BTRC: variants seen among roughly 807,000 people sequenced by gnomAD.
BTRC encodes the protein beta-transducin repeat containing E3 ubiquitin protein ligase, also known as F-box/WD repeat-containing protein 1A.
Under a neutral mutation model 85.5 loss-of-function variants are expected in BTRC, and 42 were observed. That is an observed-to-expected ratio of 0.49 (90% CI 0.38 to 0.64). BTRC has a LOEUF of 0.64. BTRC is among the 30% of genes least tolerant of loss of function. BTRC has a pLI of 0.00. For synonymous variants in BTRC, 255 were observed against 263.3 expected (o/e 0.97, Z 0.30); for missense variants, 594 against 743.5 (o/e 0.80, Z 2.34).
chr10:101,392,710 G>T (rs1380558137), intron 1 of BTRC, among the ~76,000 whole-genome samples: 2 of 152,068 alleles, frequency 1.3e-5, no homozygotes, highest in Non-Finnish European at 2.9e-5. Flanking sequence ...CCATAGTAGA[G>T]ACAGGGTTTC....
At chr10:101,447,551 T>TA (rs1347325086) in intron 2 of BTRC, among the ~76,000 whole-genome samples, 1 of 152,220 alleles carries the variant, frequency 6.6e-6, no homozygotes, top group Non-Finnish European at 1.5e-5. Flanking sequence ...ACTACTATGA[T>TA]ATTAAAATTA....
In BTRC at chr10:101,553,271, T is replaced by C. The variant is rs2062679647; in HGVS notation, c.*148T>C. ...TAGCCGAGGAGCAGGGCTTTGAGAC[T>C]CCTGTTGGGACACAGTTGGTCTGCA... On this transcript the variant is annotated 3_prime_UTR_variant, in exon 15 of 15. Transcript: ENST00000370187. 6.6e-6 allele frequency: 1 copy of C among 152,642 alleles called. No homozygotes were observed. 9.5% of individuals were successfully genotyped at this position (152,642 alleles called of 1,614,324 possible).
At chr10:101,523,475 GA>G (rs1263736131) in intron 5 of BTRC, among the ~76,000 whole-genome samples, 1 of 151,932 alleles carries the variant, frequency 6.6e-6, no homozygotes, top group African/African-American at 2.4e-5. Context: ...TATTTTAAGA[GA>G]AAAAAATCAT....
At chr10:101,366,919 T>TTATATATAA (rs1942434809) in intron 1 of BTRC, among the ~76,000 whole-genome samples, 2 of 4,880 alleles carry the variant, frequency 4.1e-4, no homozygotes, top group Non-Finnish European at 1.2e-3. Flanking sequence ...AATATATATT[T>TTATATATAA]ATATATATTT....
Position 101,430,403 on chromosome 10 carries a change from C to T in BTRC, c.107C>T (p.Ser36Leu), listed in dbSNP as rs1219485749. 6 of 1,614,094 alleles carry T rather than the reference C, an allele frequency of 3.7e-6. No individual in the cohort carries two copies. Among genetic ancestry groups the T allele is most frequent in the African/African-American group, 2.7e-5 (2 of 75,040 alleles). The change falls in exon 2 of 15, where the codon TCG (serine) becomes TTG (leucine). Residue 36 changes from serine to leucine, a missense_variant. Coordinates refer to ENST00000370187, the MANE Select transcript of BTRC (RefSeq NM_033637.4). ...GCSSLADSMPSLRCLYNPGTG... is the reference protein window; with the variant it reads ...GCSSLADSMPLLRCLYNPGTG... Reference sequence around the variant, plus strand: ...TCCAGCCTGGCGGACAGCATGCCTTCGCTGCGATGCCTGTATAACCCAGGG... The same window carrying T: ...TCCAGCCTGGCGGACAGCATGCCTTTGCTGCGATGCCTGTATAACCCAGGG...
Position 101,526,064 on chromosome 10 carries a change from A to G in BTRC, c.608A>G (p.Lys203Arg), listed in dbSNP as rs1227807092. Residue 203 changes from lysine (K) to arginine (R), a missense_variant, in exon 6 of 15, where the codon AAA becomes AGA. This residue lies in a region of BTRC where 373 missense variants were observed against 503.6 expected (regional missense o/e 0.74). Coordinates refer to ENST00000370187, the MANE Select transcript of BTRC (RefSeq NM_033637.4). ...AENILSYLDA[K>R]SLCAAELVCK... ...AACATTCTGTCATACCTGGATGCCAAATCACTATGTGCTGCTGAACTTGTG... is the reference window on the plus strand; with the variant it reads ...AACATTCTGTCATACCTGGATGCCAGATCACTATGTGCTGCTGAACTTGTG... 2.5e-6 allele frequency: 4 copies of G among 1,614,170 alleles called. No homozygotes were observed. The highest frequency in any genetic ancestry group is 2.2e-5 in the East Asian group (1 of 44,882).
At chr10:101,424,799 C>A (rs1382569354) in intron 1 of BTRC, among the ~76,000 whole-genome samples, 1 of 152,094 alleles carries the variant, frequency 6.6e-6, no homozygotes, top group East Asian at 1.9e-4. Flanking sequence ...TCATTGCAAT[C>A]TTGTTTTTTC....
At chr10:101,467,911 A>T (rs912439440) in intron 3 of BTRC, among the ~76,000 whole-genome samples, 7 of 152,212 alleles carry the variant, frequency 4.6e-5, no homozygotes, top group Non-Finnish European at 8.8e-5. Context: ...CATGTAAAAG[A>T]TCTTAAAGGT....
At chr10:101,522,272 C>T (rs1374928080) in intron 5 of BTRC, among the ~76,000 whole-genome samples, 1 of 143,518 alleles carries the variant, frequency 7.0e-6, no homozygotes, top group Non-Finnish European at 1.5e-5. Context: ...GATCTCCTGA[C>T]CTCGTGGTCC....
intron 3 of BTRC, among the ~76,000 whole-genome samples, chr10:101,478,451 T>C (rs1339135742): frequency 1.3e-5 from 2 of 152,126 alleles, no homozygotes; most frequent in Non-Finnish European, 2.9e-5. Context: ...TAAAATAATT[T>C]TTTTTTTCTG....
intron 1 of BTRC, among the ~76,000 whole-genome samples, chr10:101,423,862 G>A (rs1047821228): frequency 6.6e-6 from 1 of 152,222 alleles, no homozygotes; most frequent in African/African-American, 2.4e-5. Context: ...TGAAATGCAA[G>A]TGGCATTCAC....
intron 2 of BTRC, among the ~76,000 whole-genome samples, chr10:101,442,986 A>G (rs1458295314): frequency 7.0e-6 from 1 of 142,086 alleles, no homozygotes; most frequent in South Asian, 2.2e-4. Context: ...GGTTCACACC[A>G]TTCCCCTGCC....
In BTRC at chr10:101,372,172, A is replaced by G. The variant is rs77027937; in HGVS notation, c.48+17944A>G. ...TATTTTTATATAATAACATTTCTTGATATCTGATAGTATATGCCCCTCAGC... is the reference window on the plus strand; with the variant it reads ...TATTTTTATATAATAACATTTCTTGGTATCTGATAGTATATGCCCCTCAGC... On this transcript the variant is annotated intron_variant, in intron 1 of 14. Transcript: ENST00000370187. Among the ~76,000 whole-genome samples the G allele has an allele frequency of 6.5e-3, 987 of 151,946 alleles. 5 individuals carry two copies. Among genetic ancestry groups the G allele is most frequent in the Non-Finnish European group, 0.01 (705 of 67,950 alleles).
intron 2 of BTRC, among the ~76,000 whole-genome samples, chr10:101,436,350 A>G (rs1944528527): frequency 6.6e-6 from 1 of 152,184 alleles, no homozygotes; most frequent in African/African-American, 2.4e-5. Flanking sequence ...TGACTGTAAG[A>G]ATATAAGTAA....
At chr10:101,377,251 T>C (rs910348422) in intron 1 of BTRC, among the ~76,000 whole-genome samples, 1 of 152,218 alleles carries the variant, frequency 6.6e-6, no homozygotes, top group East Asian at 1.9e-4. Context: ...CTTACTATTG[T>C]TGATTAGTAT....
In BTRC at chr10:101,528,996, G is replaced by T. The variant is rs373421892; in HGVS notation, c.744-2241G>T. On this transcript the variant is annotated intron_variant, in intron 6 of 14. Transcript: ENST00000370187. ...TCTCTTGAATAATACTGAATATGCT[G>T]TCTGCTCAGTAATGGTAACTCTTAA... 3.3e-5 allele frequency among the ~76,000 whole-genome samples: 5 copies of T among 152,262 alleles called. No homozygotes were observed. In the South Asian group the frequency reaches 8.3e-4, roughly 25 times the overall value.
intron 2 of BTRC, among the ~76,000 whole-genome samples, chr10:101,452,378 A>G (rs932830535): frequency 2.0e-5 from 3 of 152,240 alleles, no homozygotes; most frequent in Non-Finnish European, 4.4e-5. Context: ...TTATGCAGCT[A>G]TAACCAACCT....
At chr10:101,535,012 T>A in intron 10 of BTRC, 102 bp downstream of exon 10, 2 of 1,356,806 alleles carry the variant, frequency 1.5e-6, no homozygotes, top group Non-Finnish European at 2.1e-6. Flanking sequence ...TACAGAAAAA[T>A]GTAATATTTA....
chr10:101,439,466 C>T (rs1003036638), intron 2 of BTRC, among the ~76,000 whole-genome samples: 1 of 152,198 alleles, frequency 6.6e-6, no homozygotes, highest in Admixed American at 6.5e-5. Context: ...GACTGACATA[C>T]TATGAAGAAA....
Sources: gnomAD v4.1 joint callset for allele counts (sites outside exome capture counted in the v4.1 genomes callset) on GRCh38, gnomAD v4.1.1 for gene constraint, gnomAD v4.1.1 regional missense constraint, MANE v1.5 for transcripts, NCBI Gene and HGNC (gene_info 2026-07-23, HGNC 2026-07-21) for gene names.